SAP130: variants seen among roughly 807,000 people sequenced by gnomAD.
SAP130 encodes Sin3A associated protein 130.
A neutral mutation model predicts 103.2 loss-of-function variants in SAP130; 16 were observed. The ratio of observed to expected loss-of-function variants is 0.16; its 90% CI spans 0.10 to 0.24. The LOEUF is 0.24. Ranked by LOEUF, SAP130 falls within the 10% of genes least tolerant of loss-of-function variation. The probability of loss-of-function intolerance (pLI) is 1.00; values close to 1 mark genes in which losing one functional copy is unlikely to be tolerated. For missense variants in SAP130, 990 were observed against 1,359.7 expected, an observed-to-expected ratio of 0.73 and a Z score of 4.28; for synonymous variants, 477 against 497.0, an observed-to-expected ratio of 0.96 and a Z score of 0.53.
chr2:128,020,907 A>G (rs1282112819), intron 2 of SAP130, among the ~76,000 whole-genome samples: 2 of 152,056 alleles, frequency 1.3e-5, no homozygotes, highest in Non-Finnish European at 2.9e-5. Context: ...GAGGCGGAAG[A>G]ATCACTTGAA....
chr2:128,019,519 T>C (rs1188643832), intron 2 of SAP130, among the ~76,000 whole-genome samples: 1 of 152,158 alleles, frequency 6.6e-6, no homozygotes, highest in Non-Finnish European at 1.5e-5. Context: ...TCCTCCCACC[T>C]CTGGCCTCCC....
At position 127,989,495 on chromosome 2, in the gene SAP130, G is replaced by C. The variant is rs1682635907; in HGVS notation, c.1780+69C>G. 3 of 1,382,234 alleles carry C rather than the reference G, an allele frequency of 2.2e-6. No homozygotes were observed. The African/African-American group carries it at 4.3e-5, about 20-fold the overall frequency. The allele number at this position is 1,382,234 out of a possible 1,614,324, so 85.6% of individuals were successfully genotyped here. Reference sequence around the variant, plus strand: ...TTATAAGACGACAAAGCCAGTGGCAGAGAAAGGATTTAAACCCAAATGTAT... The same window carrying C: ...TTATAAGACGACAAAGCCAGTGGCACAGAAAGGATTTAAACCCAAATGTAT... On this transcript the variant is annotated intron_variant, in intron 13 of 20. Coordinates refer to ENST00000643581, the MANE Select transcript of SAP130 (RefSeq NM_001330301.2). The surrounding 1 kb of genome is among the most constrained non-coding windows in gnomAD (Gnocchi z 4.6).
chr2:127,996,381 G>C lies in SAP130; in HGVS notation c.1324C>G (p.Pro442Ala), dbSNP rs1683176149. 6.2e-7 allele frequency: 1 copy of C among 1,611,292 alleles called. No individual in the cohort carries two copies. Among genetic ancestry groups the C allele is most frequent in the South Asian group, 1.1e-5 (1 of 90,532 alleles). The change falls in exon 11 of 21, where the codon CCT (proline) becomes GCT (alanine). Residue 442 changes from proline (P) to alanine (A), a missense_variant. Physicochemically the swap from Pro to Ala is conservative, Grantham distance 27 (BLOSUM62 -1). This residue lies in a region of SAP130 where 336 missense variants were observed against 520.1 expected (regional missense o/e 0.65). Transcript: ENST00000643581. The surrounding 1 kb of genome is among the most constrained non-coding windows in gnomAD (Gnocchi z 4.3). ...TCACTTCGGGTTTCCATGGCCACAG[G>C]ATTGGGAGAGGCCCGATGTCCGGAG... Reference protein sequence around the residue: ...PISGHRASPNPVAMETRSDNR... With the variant: ...PISGHRASPNAVAMETRSDNR...
At chr2:127,968,243 G>C (rs1330954378) in intron 15 of SAP130, among the ~76,000 whole-genome samples, 1 of 151,424 alleles carries the variant, frequency 6.6e-6, no homozygotes, top group Admixed American at 6.6e-5. Context: ...GGAGTAGCTG[G>C]GGATTACAGG....
In SAP130 at chr2:128,028,028, A is replaced by C; in HGVS notation, c.-95T>G. ...TGGGGCCGACGTCCCCAGGCTCCGGACCCGCAGCCACCGCCGGGGAGCTAG... is the reference window on the plus strand; with the variant it reads ...TGGGGCCGACGTCCCCAGGCTCCGGCCCCGCAGCCACCGCCGGGGAGCTAG... On this transcript the variant is annotated 5_prime_UTR_variant, in exon 1 of 21. Coordinates refer to ENST00000643581, the MANE Select transcript of SAP130 (RefSeq NM_001330301.2). 1 of 958,664 alleles carries C rather than the reference A, an allele frequency of 1.0e-6. No individual in the cohort carries two copies. The highest frequency in any genetic ancestry group is 6.2e-5 in the Admixed American group (1 of 16,246). 59.4% of individuals were successfully genotyped at this position (958,664 alleles called of 1,614,324 possible). A position where few individuals can be genotyped will look rare whatever the true frequency, so the allele number is the denominator to read the frequency against.
chr2:127,960,370 G>A (rs914778379), intron 15 of SAP130, among the ~76,000 whole-genome samples: 4 of 152,164 alleles, frequency 2.6e-5, no homozygotes, highest in Non-Finnish European at 4.4e-5. Context: ...GACTGCGGCA[G>A]GCAGAAGCAG....
chr2:128,012,826 G>A (rs1463659461), intron 6 of SAP130, among the ~76,000 whole-genome samples: 1 of 150,622 alleles, frequency 6.6e-6, no homozygotes, highest in East Asian at 1.9e-4. Flanking sequence ...CTGATTCCTC[G>A]TTAGCACAGC....
rs567366054 is a variant in SAP130, at chr2:127,945,643, AT to A, written c.2798-85del. 9.1e-3 allele frequency: 7,417 copies of A among 813,686 alleles called. 47 individuals carry two copies. The highest frequency in any genetic ancestry group is 0.012 in the Non-Finnish European group (6,107 of 491,452). The allele number at this position is 813,686 out of a possible 1,614,324, so 50.4% of individuals were successfully genotyped here. A position where few individuals can be genotyped will look rare whatever the true frequency, so the allele number is the denominator to read the frequency against. On this transcript the variant is annotated intron_variant, in intron 18 of 20. Transcript: ENST00000643581. ...GTGTTCGAGCAGTGTAAATGCCATTATTTTAACAAGAATTTTATTTTTTTTT... is the reference window on the plus strand; with the variant it reads ...GTGTTCGAGCAGTGTAAATGCCATTATTTAACAAGAATTTTATTTTTTTTT...
Position 128,013,170 on chromosome 2 carries a change from T to C in SAP130, c.620-16A>G. 3 of 1,570,058 alleles carry C rather than the reference T, an allele frequency of 1.9e-6. No individual in the cohort carries two copies. The highest frequency in any genetic ancestry group is 1.7e-6 in the Non-Finnish European group (2 of 1,160,022). On this transcript the variant is annotated splice_polypyrimidine_tract_variant and intron_variant, in intron 5 of 20. Coordinates refer to ENST00000643581, the MANE Select transcript of SAP130 (RefSeq NM_001330301.2). The stretch of plus-strand genomic sequence containing the variant: ...GCAGCTGCACCTGAAAAAAAAAAAG[T>C]GTTTATTATATTTATTCTAGTTATA...
chr2:128,021,268 G>A (rs1685135382), intron 2 of SAP130, among the ~76,000 whole-genome samples: 1 of 151,824 alleles, frequency 6.6e-6, no homozygotes, highest in Non-Finnish European at 1.5e-5. Flanking sequence ...ACAATATGGT[G>A]AAACCCTGTC....
chr2:128,002,215 C>G (rs1683615861), intron 7 of SAP130, among the ~76,000 whole-genome samples: 1 of 152,112 alleles, frequency 6.6e-6, no homozygotes, highest in African/African-American at 2.4e-5. Flanking sequence ...ATGTGCCCGG[C>G]CAAAACTTTT....
intron 13 of SAP130, among the ~76,000 whole-genome samples, chr2:127,987,608 A>G (rs1245260431): frequency 1.3e-5 from 2 of 152,126 alleles, no homozygotes; most frequent in African/African-American, 4.8e-5. Context: ...TTTTACTGAT[A>G]TAATTCTTAC....
intron 6 of SAP130, among the ~76,000 whole-genome samples, chr2:128,011,489 C>T (rs1201118009): frequency 2.6e-5 from 4 of 152,134 alleles, no homozygotes; most frequent in Non-Finnish European, 4.4e-5. Context: ...TTTTACCTGC[C>T]GCTTCTACCA....
At position 127,942,025 on chromosome 2, in the gene SAP130, T is replaced by C. The variant is rs758550871; in HGVS notation, c.3155A>G (p.Lys1052Arg). The C allele has an allele frequency of 3.8e-6, 6 of 1,589,742 alleles. No homozygotes were observed. The highest frequency in any genetic ancestry group is 5.1e-6 in the Non-Finnish European group (6 of 1,169,206). Reference sequence around the variant, plus strand: ...CTGGGTCTAGACTTTTTCCTTTCGCTTCAATTTGGACACTTTTTTGACAGT... The same window carrying C: ...CTGGGTCTAGACTTTTTCCTTTCGCCTCAATTTGGACACTTTTTTGACAGT... ...NGTVKKVSKL[K>R]RKEKV Residue 1052 changes from lysine (K) to arginine (R), a missense_variant, in exon 21 of 21, where the codon AAG becomes AGG. This residue lies in a region of SAP130 where 69 missense variants were observed against 165.7 expected (regional missense o/e 0.42). Transcript: ENST00000643581. The surrounding 1 kb of genome is among the most constrained non-coding windows in gnomAD (Gnocchi z 4.8).
intron 2 of SAP130, among the ~76,000 whole-genome samples, chr2:128,018,452 T>TCTAG (rs1253939158): frequency 1.5e-5 from 2 of 129,726 alleles, no homozygotes; most frequent in Non-Finnish European, 3.1e-5. Context: ...GTCACTGCAC[T>TCTAG]CTAGCCTGGG....
Position 127,977,056 on chromosome 2 carries a change from C to T in SAP130, c.2063+929G>A, listed in dbSNP as rs185781865. On this transcript the variant is annotated intron_variant, in intron 15 of 20. Coordinates refer to ENST00000643581, the MANE Select transcript of SAP130 (RefSeq NM_001330301.2). ...AAACCCCAAAACTGTTACCAGTCAA[C>T]ATTATTCTAGGAAGTGGGATTGGCA... is the stretch of plus-strand genomic sequence containing the variant. Among the ~76,000 whole-genome samples the T allele has an allele frequency of 3.4e-4, 51 of 152,230 alleles. 1 individual carries two copies. In the South Asian group the frequency reaches 6.4e-3, roughly 19 times the overall value.
At chr2:127,999,378 G>A (rs916752189) in intron 10 of SAP130, among the ~76,000 whole-genome samples, 1 of 152,080 alleles carries the variant, frequency 6.6e-6, no homozygotes, top group South Asian at 2.1e-4. Context: ...TTGGGAGGCC[G>A]AGGCGGGCAG....
chr2:128,008,716 C>G (rs777048232), intron 7 of SAP130, among the ~76,000 whole-genome samples: 2 of 151,308 alleles, frequency 1.3e-5, no homozygotes, highest in African/African-American at 4.9e-5. Flanking sequence ...GATGGGGTCT[C>G]GCTCTGTTGC....
At chr2:127,993,347 T>C (rs1682950013) in intron 11 of SAP130, 39 bp from the exon 12 acceptor site, 1 of 1,566,916 alleles carries the variant, frequency 6.4e-7, no homozygotes, top group Admixed American at 2.0e-5. Context: ...AAATAGTCAT[T>C]TTCTTCTTTA....
Sources: allele counts gnomAD v4.1 joint callset (sites outside exome capture counted in the v4.1 genomes callset), GRCh38; gene constraint gnomAD v4.1.1; regional missense constraint gnomAD v4.1.1; non-coding constraint Gnocchi (gnomAD v3.1); transcripts MANE v1.5; gene names NCBI Gene and HGNC (gene_info 2026-07-23, HGNC 2026-07-21).